BMP7: variants seen among roughly 807,000 people sequenced by gnomAD.
The protein encoded by BMP7 is bone morphogenetic protein 7, also known as osteogenic protein 1.
In BMP7, 12 loss-of-function variants were observed where a neutral mutation model predicts 41.2. The observed-to-expected ratio is 0.29, with a 90% confidence interval of 0.19 to 0.47. The LOEUF (loss-of-function observed/expected upper bound fraction) is 0.47, where lower values mean the gene tolerates loss of function less well. BMP7 is among the 20% of genes least tolerant of loss of function. BMP7 has a pLI of 0.99. For missense variants in BMP7, 467 were observed against 606.0 expected, an observed-to-expected ratio of 0.77 and a Z score of 2.41; for synonymous variants, 248 against 250.0, an observed-to-expected ratio of 0.99 and a Z score of 0.07.
chr20:57,196,341 G>A (rs1474081579), intron 3 of BMP7, among the ~76,000 whole-genome samples: 1 of 152,216 alleles, frequency 6.6e-6, no homozygotes, highest in Non-Finnish European at 1.5e-5. Context: ...TCATCTGCAT[G>A]GCTTCACCCC....
intron 1 of BMP7, among the ~76,000 whole-genome samples, chr20:57,236,667 G>T (rs1373218826): frequency 6.6e-6 from 1 of 151,996 alleles, no homozygotes; most frequent in Non-Finnish European, 1.5e-5. Flanking sequence ...CAGAGAAAGG[G>T]GGCAGGGAGA....
Position 57,266,252 on chromosome 20 carries a change from G to T in BMP7, c.-130C>A. ...GACGGGCCCCGCTGCGCCCGCGCCAGACATGGCCCCTCCCCGGCCGGCCGC... is the reference window on the plus strand; with the variant it reads ...GACGGGCCCCGCTGCGCCCGCGCCATACATGGCCCCTCCCCGGCCGGCCGC... On this transcript the variant is annotated 5_prime_UTR_variant, in exon 1 of 7. It adds an upstream start codon to the 5' untranslated region. Transcript: ENST00000395863. 1 of 958,016 alleles carries T rather than the reference G, an allele frequency of 1.0e-6. No homozygotes were observed. The highest frequency in any genetic ancestry group is 1.4e-6 in the Non-Finnish European group (1 of 724,994). 59.3% of individuals were successfully genotyped at this position (958,016 alleles called of 1,614,324 possible).
At chr20:57,205,527 C>T (rs1368863954) in intron 2 of BMP7, among the ~76,000 whole-genome samples, 1 of 152,198 alleles carries the variant, frequency 6.6e-6, no homozygotes, top group Non-Finnish European at 1.5e-5. Flanking sequence ...AAGCACCACT[C>T]CAAGTCGAAA....
At chr20:57,217,886 G>A (rs1000985747) in intron 2 of BMP7, among the ~76,000 whole-genome samples, 4 of 152,218 alleles carry the variant, frequency 2.6e-5, no homozygotes, top group Admixed American at 6.5e-5. Flanking sequence ...GCGTGTCTGC[G>A]CATCTGTGTG....
intron 1 of BMP7, among the ~76,000 whole-genome samples, chr20:57,253,838 G>C (rs2066123378): frequency 6.6e-6 from 1 of 152,040 alleles, no homozygotes; most frequent in Non-Finnish European, 1.5e-5. Flanking sequence ...AGTCCTCCCA[G>C]GGTGAACATC....
At chr20:57,182,186 G>A (rs769588296) in intron 4 of BMP7, among the ~76,000 whole-genome samples, 3 of 152,210 alleles carry the variant, frequency 2.0e-5, no homozygotes, top group Non-Finnish European at 2.9e-5. Context: ...GAGGAGTCCC[G>A]ATGCATCTTC....
At chr20:57,248,089 C>A (rs1382798720) in intron 1 of BMP7, among the ~76,000 whole-genome samples, 1 of 152,176 alleles carries the variant, frequency 6.6e-6, no homozygotes, top group Non-Finnish European at 1.5e-5. Flanking sequence ...AAATTAATGT[C>A]AATGTGCAAC....
At chr20:57,197,784 A>G (rs1288389242) in intron 3 of BMP7, among the ~76,000 whole-genome samples, 4 of 152,236 alleles carry the variant, frequency 2.6e-5, no homozygotes, top group Admixed American at 2.6e-4. Flanking sequence ...TGATGGTATT[A>G]TGTTCATGGA....
At chr20:57,211,404 G>A (rs1002490098) in intron 2 of BMP7, among the ~76,000 whole-genome samples, 1 of 151,864 alleles carries the variant, frequency 6.6e-6, no homozygotes, top group Admixed American at 6.6e-5. Flanking sequence ...GAGAGGACGG[G>A]GCTGGCCCAG....
intron 3 of BMP7, among the ~76,000 whole-genome samples, chr20:57,188,363 G>T (rs1287713321): frequency 6.6e-6 from 1 of 152,148 alleles, no homozygotes; most frequent in Non-Finnish European, 1.5e-5. Context: ...GCCACACATT[G>T]AATGATCCTA....
chr20:57,219,077 C>T (rs451113), intron 2 of BMP7, among the ~76,000 whole-genome samples: 4 of 104,430 alleles, frequency 3.8e-5, no homozygotes, highest in Admixed American at 9.5e-5. Flanking sequence ...TGGTAGCTGG[C>T]GTTTGTTCAG....
intron 1 of BMP7, among the ~76,000 whole-genome samples, chr20:57,262,563 C>T (rs1055189979): frequency 2.0e-5 from 3 of 152,190 alleles, no homozygotes; most frequent in Non-Finnish European, 2.9e-5. Context: ...ACCAGTTTGG[C>T]GGCAGACAGA....
At chr20:57,260,753 A>G (rs1201466579) in intron 1 of BMP7, among the ~76,000 whole-genome samples, 1 of 152,238 alleles carries the variant, frequency 6.6e-6, no homozygotes, top group Non-Finnish European at 1.5e-5. Context: ...GGTCCCACAC[A>G]TCCCTGCCTG....
intron 1 of BMP7, among the ~76,000 whole-genome samples, chr20:57,231,343 C>T (rs555588580): frequency 1.3e-5 from 2 of 152,362 alleles, no homozygotes; most frequent in South Asian, 4.1e-4. Context: ...GATTGGGGCT[C>T]TGAAAGCAGT....
intron 3 of BMP7, among the ~76,000 whole-genome samples, chr20:57,201,114 C>T (rs1286616136): frequency 1.3e-5 from 2 of 152,206 alleles, no homozygotes; most frequent in Non-Finnish European, 1.5e-5. Flanking sequence ...CTCCTCTGCC[C>T]CAGGCCAGCT....
chr20:57,205,115 G>C (rs1272868760), intron 2 of BMP7, among the ~76,000 whole-genome samples: 1 of 150,688 alleles, frequency 6.6e-6, no homozygotes, highest in Non-Finnish European at 1.5e-5. Flanking sequence ...CCAGTCTCCA[G>C]GACTATAAGG....
intron 1 of BMP7, among the ~76,000 whole-genome samples, chr20:57,263,422 C>G (rs1184650541): frequency 1.3e-5 from 2 of 152,200 alleles, no homozygotes; most frequent in Admixed American, 1.3e-4. Flanking sequence ...GCAAATAGCC[C>G]GCACCAAAGT....
At chr20:57,188,290 C>T (rs1469670476) in intron 3 of BMP7, among the ~76,000 whole-genome samples, 1 of 152,176 alleles carries the variant, frequency 6.6e-6, no homozygotes, top group African/African-American at 2.4e-5. Context: ...ATTTTCTGAT[C>T]CATGATACAA....
intron 1 of BMP7, among the ~76,000 whole-genome samples, chr20:57,235,832 C>T (rs1166976625): frequency 6.6e-6 from 1 of 152,152 alleles, no homozygotes; most frequent in Non-Finnish European, 1.5e-5. Flanking sequence ...ATGGCTTGGT[C>T]CCTTGTTAGA....
Sources: gnomAD v4.1 joint callset for allele counts (sites outside exome capture counted in the v4.1 genomes callset) on GRCh38, gnomAD v4.1.1 for gene constraint, MANE v1.5 for transcripts, NCBI Gene and HGNC (gene_info 2026-07-23, HGNC 2026-07-21) for gene names.